The following LARGE1 variants were observed in gnomAD, a reference collection of about 807,000 sequenced individuals.
The protein encoded by LARGE1 is LARGE xylosyl- and glucuronyltransferase 1, also known as xylosyl- and glucuronyltransferase LARGE1.
LARGE1 carries 43 observed loss-of-function variants against 87.6 expected under a neutral mutation model. That is an observed-to-expected ratio of 0.49 (90% CI 0.38 to 0.63). The LOEUF (loss-of-function observed/expected upper bound fraction) is 0.63, where lower values mean the gene tolerates loss of function less well. LARGE1 is among the 30% of genes least tolerant of loss of function. The probability of loss-of-function intolerance (pLI) is 0.00; values close to 1 mark genes in which losing one functional copy is unlikely to be tolerated. For synonymous variants in LARGE1, 434 were observed against 394.6 expected, an observed-to-expected ratio of 1.10 and a Z score of -1.18; for missense variants, 802 against 1,000.2, an observed-to-expected ratio of 0.80 and a Z score of 2.67.
At chr22:33,297,019 A>G (rs2146059065) in intron 12 of LARGE1, among the ~76,000 whole-genome samples, 1 of 152,294 alleles carries the variant, frequency 6.6e-6, no homozygotes, top group African/African-American at 2.4e-5. Context: ...GTGCTCAGTA[A>G]ATGTTGAATG....
At chr22:33,422,949 A>T (rs899767219) in intron 7 of LARGE1, among the ~76,000 whole-genome samples, 11 of 152,166 alleles carry the variant, frequency 7.2e-5, no homozygotes, top group African/African-American at 2.7e-4. Context: ...AAACAGATCC[A>T]AACCCTATCA....
chr22:33,315,332 G>A (rs979733240), intron 11 of LARGE1, among the ~76,000 whole-genome samples: 1 of 152,194 alleles, frequency 6.6e-6, no homozygotes, highest in Non-Finnish European at 1.5e-5. Context: ...TTGAGAAGCA[G>A]TGCATTGGCT....
Position 33,903,081 on chromosome 22 carries a change from G to A in LARGE1, c.-83+16914C>T, listed in dbSNP as rs531373932. ...CGGGAGGCGGAGGTTGCACTGAGCC[G>A]AGATCAAGCCATTGCACTGCAGCCC... On this transcript the variant is annotated intron_variant, in intron 1 of 14. Transcript: ENST00000397394. Among the ~76,000 whole-genome samples, 33 of 152,260 alleles carry A rather than the reference G, an allele frequency of 2.2e-4. 1 individual carries two copies. The South Asian group carries it at 6.2e-3, about 29-fold the overall frequency.
At chr22:33,265,296 C>A (rs2145760694) in intron 11 of LARGE1, among the ~76,000 whole-genome samples, 1 of 152,260 alleles carries the variant, frequency 6.6e-6, no homozygotes, top group African/African-American at 2.4e-5. Context: ...AAGAACCAAG[C>A]AACCCTTGAT....
chr22:33,281,043 C>T (rs1409083634), intron 13 of LARGE1, among the ~76,000 whole-genome samples: 2 of 152,078 alleles, frequency 1.3e-5, no homozygotes, highest in Non-Finnish European at 1.5e-5. Context: ...GAGCAGATTT[C>T]GGCTGCTCAG....
chr22:33,577,245 A>G (rs2078381745), intron 5 of LARGE1, among the ~76,000 whole-genome samples: 1 of 152,212 alleles, frequency 6.6e-6, no homozygotes, highest in South Asian at 2.1e-4. Flanking sequence ...TCAGGGAAAT[A>G]AAAAGTATAA....
intron 6 of LARGE1, among the ~76,000 whole-genome samples, 172 bp downstream of exon 6, chr22:33,564,676 A>G (rs997009757): frequency 2.6e-5 from 4 of 152,216 alleles, no homozygotes; most frequent in Non-Finnish European, 5.9e-5. Context: ...TTACTCTATT[A>G]TTTTTCAAAT....
At chr22:33,519,004 C>T (rs1369367571) in intron 6 of LARGE1, among the ~76,000 whole-genome samples, 1 of 152,054 alleles carries the variant, frequency 6.6e-6, no homozygotes, top group Admixed American at 6.5e-5. Context: ...TTGGAACTTA[C>T]CTAAAACAAG....
intron 2 of LARGE1, among the ~76,000 whole-genome samples, chr22:33,755,126 T>C (rs2084462898): frequency 6.6e-6 from 1 of 152,236 alleles, no homozygotes; most frequent in Non-Finnish European, 1.5e-5. Context: ...CCGTATTTTT[T>C]TCTGTTGAAA....
At chr22:33,599,187 G>A (rs2079053023) in intron 5 of LARGE1, among the ~76,000 whole-genome samples, 1 of 152,182 alleles carries the variant, frequency 6.6e-6, no homozygotes, top group South Asian at 2.1e-4. Flanking sequence ...CTTTTGGGAA[G>A]GGAAAAGTCA....
chr22:33,254,883 A>C (rs1363127757), intron 11 of LARGE1, among the ~76,000 whole-genome samples: 1 of 151,266 alleles, frequency 6.6e-6, no homozygotes, highest in African/African-American at 2.4e-5. Flanking sequence ...AAAGGAGCTC[A>C]TATCTAATAA....
chr22:33,769,878 C>T (rs1475904307), intron 1 of LARGE1, among the ~76,000 whole-genome samples: 2 of 152,192 alleles, frequency 1.3e-5, no homozygotes, highest in East Asian at 3.8e-4. Flanking sequence ...ACCCCTGTTC[C>T]ACTGTGGCTC....
chr22:33,492,905 G>A (rs976614675), intron 6 of LARGE1, among the ~76,000 whole-genome samples: 5 of 152,136 alleles, frequency 3.3e-5, no homozygotes, highest in African/African-American at 4.8e-5. Context: ...AAATGCGGGC[G>A]GCGGGTGGGC....
chr22:33,615,312 G>A lies in LARGE1; in HGVS notation c.492-10754C>T, dbSNP rs2079550002. Among the ~76,000 whole-genome samples, 3 of 151,980 alleles carry A rather than the reference G, an allele frequency of 2.0e-5. No homozygotes were observed. In the South Asian group the frequency reaches 6.2e-4, roughly 32 times the overall value. On this transcript the variant is annotated intron_variant, in intron 4 of 14. Transcript: ENST00000397394. ...AAGATCCAAATGCCCTCAGTTTGAC[G>A]CAATTACCAAAGAGATTCAAATGCC...
At chr22:33,093,827 T>C in the LARGE1 span, among the ~76,000 whole-genome samples, 1,396 of 134,882 alleles carry the variant, frequency 0.01, 8 homozygotes, top group African/African-American at 0.027. Flanking sequence ...TCTTTCTTTT[T>C]TTTTTTTTTT....
intron 1 of LARGE1, among the ~76,000 whole-genome samples, chr22:33,820,500 A>T (rs718819): frequency 0.79 from 118,992 of 151,578 alleles, 47,150 homozygotes; most frequent in African/African-American, 0.89. Flanking sequence ...TTTTTATTTT[A>T]AGTAGAGATG....
chr22:33,354,057 G>C lies in LARGE1; in HGVS notation c.1132-16256C>G, dbSNP rs141229996. Among the ~76,000 whole-genome samples the C allele has an allele frequency of 2.2e-3, 340 of 152,362 alleles. 1 individual carries two copies. The highest frequency in any genetic ancestry group is 3.7e-3 in the Non-Finnish European group (253 of 68,042). On this transcript the variant is annotated intron_variant, in intron 9 of 14. Coordinates refer to ENST00000397394, the MANE Select transcript of LARGE1 (RefSeq NM_133642.5). ...CTAACTCAAAGCAAAGGACATGTAAGAGATGGCACACGTGAAGAAAGGATG... is the reference window on the plus strand; with the variant it reads ...CTAACTCAAAGCAAAGGACATGTAACAGATGGCACACGTGAAGAAAGGATG...
Position 33,626,318 on chromosome 22 carries a change from G to C in LARGE1, c.417C>G (p.His139Gln). 1 of 1,613,690 alleles carries C rather than the reference G, an allele frequency of 6.2e-7. No individual in the cohort carries two copies. The highest frequency in any genetic ancestry group is 8.5e-7 in the Non-Finnish European group (1 of 1,179,642). Residue 139 changes from histidine (H) to glutamine (Q), a missense_variant, in exon 4 of 15, where the codon CAC (histidine) becomes CAG (glutamine). Around this residue, in one of 2 missense-constraint regions of LARGE1, gnomAD observed 625 missense variants for 841.9 expected, o/e 0.74. Transcript: ENST00000397394. ...TGTATCCGGCGCAGACAATAGCAAC[G>C]TGGATTGTCTGGGAAGAAAAGAAGA... ...QPVVEKCETI[H>Q]VAIVCAGYNA...
chr22:33,650,079 T>C (rs1360577827), intron 3 of LARGE1, among the ~76,000 whole-genome samples: 1 of 152,164 alleles, frequency 6.6e-6, no homozygotes. Context: ...CATGTCAAAA[T>C]GAACCACATA....
Sources: allele counts gnomAD v4.1 joint callset (sites outside exome capture counted in the v4.1 genomes callset), GRCh38; gene constraint gnomAD v4.1.1; regional missense constraint gnomAD v4.1.1; transcripts MANE v1.5; gene names NCBI Gene and HGNC (gene_info 2026-07-23, HGNC 2026-07-21).